METTL22: variants seen among roughly 807,000 people sequenced by gnomAD.
METTL22 encodes the protein methyltransferase 22, Kin17 lysine, also known as methyltransferase-like protein 22.
Under a neutral mutation model 48.4 loss-of-function variants are expected in METTL22, and 51 were observed. The observed-to-expected ratio is 1.05, with a 90% CI of 0.84 to 1.33. The LOEUF is 1.33. Ranked by LOEUF, METTL22 falls within the 40% of genes most tolerant of loss-of-function variation. The probability of loss-of-function intolerance (pLI) is 0.00; values close to 1 mark genes in which losing one functional copy is unlikely to be tolerated. For synonymous variants in METTL22, 255 were observed against 214.1 expected (o/e 1.19, Z -1.67); for missense variants, 678 against 526.9 (o/e 1.29, Z -2.81).
chr16:8,657,139 C>A, the METTL22 span, among the ~76,000 whole-genome samples: 3 of 152,076 alleles, frequency 2.0e-5, no homozygotes, highest in Non-Finnish European at 2.9e-5. Flanking sequence ...CTTCTTACAG[C>A]AAGATAAGAG....
downstream of METTL22, among the ~76,000 whole-genome samples, chr16:8,651,845 CA>C (rs2056903919): frequency 6.6e-6 from 1 of 152,094 alleles, no homozygotes; most frequent in Non-Finnish European, 1.5e-5. Context: ...AGGAGAACAT[CA>C]CACACCGGGG....
At chr16:8,666,003 G>A in the METTL22 span, among the ~76,000 whole-genome samples, 1 of 152,186 alleles carries the variant, frequency 6.6e-6, no homozygotes, top group South Asian at 2.1e-4. Context: ...TAGAACCTTA[G>A]CTGTGGCCAC....
intron 1 of METTL22, chr16:8,623,614 A>C (rs990317966): frequency 6.6e-6 from 1 of 152,228 alleles, no homozygotes; most frequent in Non-Finnish European, 1.5e-5. Context: ...TGACACCATG[A>C]AATTCTGCAT....
chr16:8,646,870 A>ATGTC lies in METTL22; in HGVS notation c.*738_*741dup. 2 of 357,472 alleles carry ATGTC rather than the reference A, an allele frequency of 5.6e-6. No homozygotes were observed. The highest frequency in any genetic ancestry group is 2.1e-5 in the South Asian group (1 of 47,078). The allele number at this position is 357,472 out of a possible 1,614,324, so 22.1% of individuals were successfully genotyped here. A position where few individuals can be genotyped will look rare whatever the true frequency, so the allele number is the denominator to read the frequency against. On this transcript the variant is annotated 3_prime_UTR_variant, in exon 11 of 11. Coordinates refer to ENST00000381920, the MANE Select transcript of METTL22 (RefSeq NM_024109.4). ...TCTCTCTGTCTTATCACGTGTGTACATGTCTGTCTGTCTGGTTTTTTATCT... is the reference window on the plus strand; with the variant it reads ...TCTCTCTGTCTTATCACGTGTGTACATGTCTGTCTGTCTGTCTGGTTTTTTATCT...
chr16:8,640,893 A>G (rs189849727), intron 6 of METTL22, among the ~76,000 whole-genome samples: 1,296 of 12,586 alleles, frequency 0.1, 131 homozygotes, highest in African/African-American at 0.2. Context: ...TGGGTGGGTG[A>G]ATGGATGGAT....
intron 2 of METTL22, among the ~76,000 whole-genome samples, chr16:8,626,549 A>G (rs1413331600): frequency 1.4e-5 from 2 of 140,078 alleles, no homozygotes; most frequent in African/African-American, 5.3e-5. Flanking sequence ...CCCGGGTTCA[A>G]GCAACTCTCC....
At chr16:8,659,274 T>G in the METTL22 span, among the ~76,000 whole-genome samples, 5 of 150,560 alleles carry the variant, frequency 3.3e-5, no homozygotes, top group African/African-American at 7.4e-5. Flanking sequence ...GAGGTTGCAG[T>G]GAGCCAAGAT....
In METTL22 at chr16:8,639,296, C is replaced by T. The variant is rs2056520351; in HGVS notation, c.772+134C>T. 4.7e-6 allele frequency: 4 copies of T among 842,598 alleles called. No homozygotes were observed. The South Asian group carries it at 5.7e-5, about 12-fold the overall frequency. 52.2% of individuals were successfully genotyped at this position (842,598 alleles called of 1,614,324 possible). On this transcript the variant is annotated intron_variant, in intron 6 of 10. Transcript: ENST00000381920. ...GCAGCAGGTGAGTAAGGGGAGCAGG[C>T]GTCGTCTGGGCATCACAGAGCTTCA...
At chr16:8,629,603 G>A (rs990989139) in intron 3 of METTL22, among the ~76,000 whole-genome samples, 1 of 152,202 alleles carries the variant, frequency 6.6e-6, no homozygotes, top group Non-Finnish European at 1.5e-5. Flanking sequence ...CCAGTCAGAT[G>A]GACTGGGAGC....
chr16:8,643,368 A>T (rs1484033106), intron 9 of METTL22, among the ~76,000 whole-genome samples: 1 of 152,238 alleles, frequency 6.6e-6, no homozygotes, highest in African/African-American at 2.4e-5. Flanking sequence ...ACATCAGGAC[A>T]GTTGGGAAAA....
intron 2 of METTL22, among the ~76,000 whole-genome samples, chr16:8,628,070 A>G (rs990682038): frequency 2.6e-5 from 4 of 152,192 alleles, no homozygotes; most frequent in African/African-American, 9.7e-5. Flanking sequence ...GTTACAGGAA[A>G]AGTTTGCTCA....
chr16:8,622,152 A>T (rs2055874575), intron 1 of METTL22, among the ~76,000 whole-genome samples: 1 of 152,100 alleles, frequency 6.6e-6, no homozygotes. Context: ...CACTCTACGC[A>T]CCGTGGCCAG....
At chr16:8,623,282 G>A (rs1430386505) in intron 1 of METTL22, among the ~76,000 whole-genome samples, 2 of 150,700 alleles carry the variant, frequency 1.3e-5, no homozygotes, top group East Asian at 3.9e-4. Context: ...CTGCACTCTA[G>A]CCTGGGCAAC....
rs370643841 is a variant in METTL22 at position 8,642,166 on chromosome 16, C to A, written c.866C>A (p.Ser289Tyr). The change falls in exon 8 of 11, where the codon TCT becomes TAT. Residue 289 changes from serine (S) to tyrosine (Y), a missense_variant. Physicochemically the swap from Ser to Tyr is moderately radical, Grantham distance 144. Coordinates refer to ENST00000381920, the MANE Select transcript of METTL22 (RefSeq NM_024109.4). ...TTCAGTTGGTCACAAGAGGAAATTT[C>A]TGACTTGTACGATCACACCACCATC... ...VPFSWSQEEI[S>Y]DLYDHTTILF... The A allele has an allele frequency of 8.2e-5, 133 of 1,613,918 alleles. 2 individuals carry two copies. In the South Asian group the frequency reaches 1.4e-3, roughly 17 times the overall value.
At chr16:8,661,259 C>G in the METTL22 span, among the ~76,000 whole-genome samples, 1 of 152,040 alleles carries the variant, frequency 6.6e-6, no homozygotes, top group Non-Finnish European at 1.5e-5. Context: ...CCTAACTAAC[C>G]TGCTATACAT....
chr16:8,634,997 C>G, intron 3 of METTL22, 42 bp from the exon 4 acceptor site: 1 of 1,612,376 alleles, frequency 6.2e-7, no homozygotes, highest in East Asian at 2.2e-5. Context: ...TGTCCATCCC[C>G]ATTTCACAGT....
chr16:8,666,318 C>A, the METTL22 span, among the ~76,000 whole-genome samples: 7 of 152,192 alleles, frequency 4.6e-5, no homozygotes, highest in African/African-American at 1.7e-4. Context: ...AACGGAGCTG[C>A]AGTCACCCAC....
Position 8,647,470 on chromosome 16 carries a change from T to A in METTL22, c.*1327T>A, listed in dbSNP as rs2056824726. On this transcript the variant is annotated 3_prime_UTR_variant, in exon 11 of 11. Coordinates refer to ENST00000381920, the MANE Select transcript of METTL22 (RefSeq NM_024109.4). ...TCATTATTTCCTATTTGTGAGTGAT[T>A]TTGCCTCCAGGAACATTTGGCAGTG... 1 of 152,206 alleles carries A rather than the reference T, an allele frequency of 6.6e-6. No individual in the cohort carries two copies. The highest frequency in any genetic ancestry group is 6.5e-5 in the Admixed American group (1 of 15,288). 9.4% of individuals were successfully genotyped at this position (152,206 alleles called of 1,614,324 possible). A position where few individuals can be genotyped will look rare whatever the true frequency, so the allele number is the denominator to read the frequency against.
intron 3 of METTL22, among the ~76,000 whole-genome samples, chr16:8,630,061 A>G (rs886721723): frequency 1.3e-5 from 2 of 152,072 alleles, no homozygotes; most frequent in African/African-American, 4.8e-5. Flanking sequence ...GAGGCCGTTC[A>G]TTGAGATCCA....
Sources: allele counts gnomAD v4.1 joint callset (sites outside exome capture counted in the v4.1 genomes callset), GRCh38; gene constraint gnomAD v4.1.1; transcripts MANE v1.5; gene names NCBI Gene and HGNC (gene_info 2026-07-23, HGNC 2026-07-21).